CLVS1: variants seen among roughly 807,000 people sequenced by gnomAD.
The protein encoded by CLVS1 is clavesin 1.
In CLVS1, 10 loss-of-function variants were observed where a neutral mutation model predicts 33.1. That is an observed-to-expected ratio of 0.30 (90% CI 0.19 to 0.51). The LOEUF (loss-of-function observed/expected upper bound fraction) is 0.51. CLVS1 is among the 20% of genes least tolerant of loss of function. The pLI is 0.97. For missense variants in CLVS1, 343 were observed against 433.4 expected, an observed-to-expected ratio of 0.79 and a Z score of 1.85; for synonymous variants, 163 against 166.1, an observed-to-expected ratio of 0.98 and a Z score of 0.14.
chr8:61,119,090 C>A (rs2129289437), intron 1 of CLVS1, among the ~76,000 whole-genome samples: 1 of 152,272 alleles, frequency 6.6e-6, no homozygotes, highest in South Asian at 2.1e-4. Flanking sequence ...GGATAGTTAG[C>A]TCTTCTTGTT....
the CLVS1 span, among the ~76,000 whole-genome samples, chr8:60,995,954 T>G: frequency 2.0e-5 from 3 of 152,146 alleles, no homozygotes; most frequent in African/African-American, 4.8e-5. Flanking sequence ...TAGGTGGGAA[T>G]TGAACAATGA....
rs112711896 is a variant in CLVS1, at chr8:61,074,618, G to A, written c.-243+17388G>A. Among the ~76,000 whole-genome samples, 1,043 of 151,772 alleles carry A rather than the reference G, an allele frequency of 6.9e-3. 10 individuals are homozygous for A. Among genetic ancestry groups the A allele is most frequent in the African/African-American group, 0.023 (933 of 41,354 alleles). On this transcript the variant is annotated intron_variant, in intron 1 of 2. Transcript: ENST00000522621. ...TGTAGATGAGTAAGATCTGTGATCT[G>A]ATCCTGACCTGGATTTGAACCTGGA...
the CLVS1 span, among the ~76,000 whole-genome samples, chr8:60,968,031 C>T: frequency 6.6e-6 from 1 of 152,154 alleles, no homozygotes; most frequent in Non-Finnish European, 1.5e-5. Context: ...ATCAAATTCT[C>T]GGGCCCAAGC....
chr8:61,483,319 C>T lies in CLVS1; in HGVS notation c.978-16136C>T, dbSNP rs565277620. On this transcript the variant is annotated intron_variant, in intron 5 of 5. Coordinates refer to ENST00000325897, the MANE Select transcript of CLVS1 (RefSeq NM_173519.3). ...TCAGAGAATACTATAAACACCTCTA[C>T]ACAATTAAACTAGAAAATCTAGAAG... Among the ~76,000 whole-genome samples the T allele has an allele frequency of 9.7e-4, 148 of 152,280 alleles. 1 individual carries two copies. Among genetic ancestry groups the T allele is most frequent in the African/African-American group, 3.3e-3 (137 of 41,580 alleles).
At chr8:61,289,226 G>A (rs1455511551) in intron 1 of CLVS1, among the ~76,000 whole-genome samples, 1 of 152,186 alleles carries the variant, frequency 6.6e-6, no homozygotes, top group Non-Finnish European at 1.5e-5. Context: ...AATAGTAAAG[G>A]GTAATAGAAT....
chr8:61,294,645 G>A (rs1469740537), intron 1 of CLVS1, among the ~76,000 whole-genome samples: 2 of 152,112 alleles, frequency 1.3e-5, no homozygotes, highest in Non-Finnish European at 2.9e-5. Context: ...AAAGATAATT[G>A]ATATAAAATG....
chr8:61,246,563 C>T lies in CLVS1; in HGVS notation c.-151-53114C>T, dbSNP rs148517914. The stretch of plus-strand genomic sequence containing the variant: ...TATTGCATGGCATACTCAATAATTA[C>T]TTAGACTTATCCATATATTTACCCT... On this transcript the variant is annotated intron_variant, in intron 2 of 2. Transcript: ENST00000522621. 7.7e-3 allele frequency among the ~76,000 whole-genome samples: 1,173 copies of T among 152,220 alleles called. 15 individuals carry two copies. The highest frequency in any genetic ancestry group is 0.026 in the African/African-American group (1,097 of 41,536).
chr8:61,055,987 G>C (rs1186639049), upstream of CLVS1, among the ~76,000 whole-genome samples: 1 of 152,354 alleles, frequency 6.6e-6, no homozygotes, highest in Non-Finnish European at 1.5e-5. Context: ...TGGCTGGGGG[G>C]AGAAAAGCTC....
At chr8:61,210,490 C>T (rs920142067) in intron 2 of CLVS1, among the ~76,000 whole-genome samples, 19 of 152,208 alleles carry the variant, frequency 1.2e-4, no homozygotes, top group Non-Finnish European at 2.1e-4. Flanking sequence ...AATTAGCTGC[C>T]ATGTCATGAG....
At chr8:61,163,548 C>T (rs1208376266) in intron 2 of CLVS1, among the ~76,000 whole-genome samples, 1 of 152,162 alleles carries the variant, frequency 6.6e-6, no homozygotes, top group African/African-American at 2.4e-5. Context: ...GTTCTTAGAG[C>T]TCCCAAGATG....
chr8:61,032,166 T>C, the CLVS1 span, among the ~76,000 whole-genome samples: 6 of 152,192 alleles, frequency 3.9e-5, no homozygotes, highest in Non-Finnish European at 7.3e-5. Context: ...AACCAAACTC[T>C]ACTCTTGGAA....
chr8:61,156,699 T>G (rs1806657372), intron 2 of CLVS1, among the ~76,000 whole-genome samples: 1 of 152,238 alleles, frequency 6.6e-6, no homozygotes, highest in Non-Finnish European at 1.5e-5. Context: ...TTCAAAAAGT[T>G]ATATCTGCCA....
intron 3 of CLVS1, among the ~76,000 whole-genome samples, chr8:61,451,812 C>CACACAGAG (rs375319471): frequency 9.1e-5 from 13 of 142,936 alleles, no homozygotes; most frequent in African/African-American, 3.1e-4. Flanking sequence ...CACACACACA[C>CACACAGAG]AGAGAGAGAG....
At chr8:61,479,183 C>T (rs1007367219) in intron 5 of CLVS1, among the ~76,000 whole-genome samples, 1 of 152,202 alleles carries the variant, frequency 6.6e-6, no homozygotes, top group Non-Finnish European at 1.5e-5. Flanking sequence ...TGTTTTCCAA[C>T]TTGGTTCCAT....
chr8:61,371,454 A>G (rs979252636), intron 2 of CLVS1, among the ~76,000 whole-genome samples: 1 of 152,100 alleles, frequency 6.6e-6, no homozygotes, highest in African/African-American at 2.4e-5. Context: ...TCTGTAATAG[A>G]TGTCTTGCTG....
chr8:61,145,965 G>A (rs1364089703), intron 2 of CLVS1, among the ~76,000 whole-genome samples: 1 of 152,204 alleles, frequency 6.6e-6, no homozygotes, highest in Non-Finnish European at 1.5e-5. Context: ...TTACTGGAAG[G>A]CTTCAGATTT....
chr8:61,463,366 TA>T (rs1011489218), intron 5 of CLVS1, among the ~76,000 whole-genome samples: 10 of 152,356 alleles, frequency 6.6e-5, no homozygotes, highest in Admixed American at 2.0e-4. Flanking sequence ...GTAGCACTTT[TA>T]ATGCTCCTTT....
chr8:61,473,860 A>ACTG (rs1407551280), intron 5 of CLVS1, among the ~76,000 whole-genome samples: 1 of 152,184 alleles, frequency 6.6e-6, no homozygotes, highest in Non-Finnish European at 1.5e-5. Context: ...AGCAGTGCTG[A>ACTG]CTGGGGAGAT....
chr8:61,315,070 G>A (rs149012092), intron 2 of CLVS1, among the ~76,000 whole-genome samples: 91 of 152,214 alleles, frequency 6.0e-4, no homozygotes, highest in African/African-American at 1.8e-3. Context: ...TGTACAAAAC[G>A]GAAAACCTAG....
Sources: gnomAD v4.1 joint callset for allele counts (sites outside exome capture counted in the v4.1 genomes callset) on GRCh38, gnomAD v4.1.1 for gene constraint, MANE v1.5 for transcripts, NCBI Gene and HGNC (gene_info 2026-07-23, HGNC 2026-07-21) for gene names.